MKNK1: variants seen among roughly 807,000 people sequenced by gnomAD.
The protein encoded by MKNK1 is MAP kinase-interacting serine/threonine-protein kinase 1.
In MKNK1, 30 loss-of-function variants were observed where a neutral mutation model predicts 49.3. The observed-to-expected ratio is 0.61, with a 90% CI of 0.46 to 0.83. The LOEUF (loss-of-function observed/expected upper bound fraction) is 0.83. Among genes scored for constraint, MKNK1 ranks in the 40% least tolerant of loss-of-function variants. The pLI is 0.00. For missense variants in MKNK1, 423 were observed against 524.7 expected (o/e 0.81, Z 1.89); for synonymous variants, 176 against 201.7 (o/e 0.87, Z 1.08).
intron 4 of MKNK1, among the ~76,000 whole-genome samples, chr1:46,577,391 T>C (rs1432778064): frequency 2.0e-5 from 3 of 152,062 alleles, no homozygotes; most frequent in Non-Finnish European, 4.4e-5. Context: ...TGAGGCAGGA[T>C]AGTCACTTGA....
At chr1:46,571,295 G>C (rs1315445552) in intron 7 of MKNK1, 1 of 217,198 alleles carries the variant, frequency 4.6e-6, no homozygotes, top group Non-Finnish European at 9.5e-6. Context: ...TGTAATCCCA[G>C]CACTTTGGGA....
intron 1 of MKNK1, among the ~76,000 whole-genome samples, chr1:46,597,373 A>G (rs1240760846): frequency 6.6e-6 from 1 of 152,028 alleles, no homozygotes; most frequent in Non-Finnish European, 1.5e-5. Context: ...AGAAAACATC[A>G]GTGAGGCACA....
At position 46,562,678 on chromosome 1, in the gene MKNK1, C is replaced by T. The variant is rs1209129445; in HGVS notation, c.775G>A (p.Asp259Asn). ...CACACCCTGCAGACCTCGCCCCGGT[C>T]CCAGCCACAGTCGGCCCCGCAGTGA... is the stretch of plus-strand genomic sequence containing the variant. Reference protein sequence around the residue: ...VGHCGADCGWDRGEVCRVCQN... With the variant: ...VGHCGADCGWNRGEVCRVCQN... The change falls in exon 10 of 13, where the codon GAC becomes AAC. Residue 259 changes from aspartate (D) to asparagine (N), a missense_variant. Coordinates refer to ENST00000371945, the MANE Select transcript of MKNK1 (RefSeq NM_001135553.4). 21 of 1,561,294 alleles carry T rather than the reference C, an allele frequency of 1.3e-5. No individual in the cohort carries two copies. The highest frequency in any genetic ancestry group is 1.8e-5 in the Non-Finnish European group (21 of 1,152,116).
chr1:46,594,286 A>G lies in MKNK1; in HGVS notation c.-170-6T>C, dbSNP rs756771416. 8 of 723,120 alleles carry G rather than the reference A, an allele frequency of 1.1e-5. No individual in the cohort carries two copies. Among genetic ancestry groups the G allele is most frequent in the South Asian group, 1.0e-4 (7 of 69,096 alleles). 44.8% of individuals were successfully genotyped at this position (723,120 alleles called of 1,614,324 possible). A position where few individuals can be genotyped will look rare whatever the true frequency, so the allele number is the denominator to read the frequency against. ...TCGGCCTCTGACATGGAAACCTTGA[A>G]AAAGCAGAAATAGAAAGGAAATCAA... On this transcript the variant is annotated splice_region_variant and splice_polypyrimidine_tract_variant and intron_variant, in intron 1 of 12. Coordinates refer to ENST00000371945, the MANE Select transcript of MKNK1 (RefSeq NM_001135553.4).
chr1:46,602,763 T>A (rs1312967086), intron 1 of MKNK1, among the ~76,000 whole-genome samples: 1 of 152,204 alleles, frequency 6.6e-6, no homozygotes, highest in Non-Finnish European at 1.5e-5. Flanking sequence ...ACACCACTGC[T>A]CTATATAGTA....
intron 8 of MKNK1, among the ~76,000 whole-genome samples, chr1:46,566,424 T>A (rs763380448): frequency 3.3e-5 from 5 of 152,270 alleles, no homozygotes; most frequent in Non-Finnish European, 4.4e-5. Flanking sequence ...GAGTTGTCTC[T>A]ACCTTTTTGG....
chr1:46,565,872 A>G (rs967093830), intron 8 of MKNK1, among the ~76,000 whole-genome samples: 2 of 152,202 alleles, frequency 1.3e-5, no homozygotes, highest in South Asian at 4.1e-4. Flanking sequence ...CTTGCCGGGA[A>G]GCCTGGGCAA....
Position 46,576,601 on chromosome 1 carries a change from C to A in MKNK1, c.252G>T (p.Glu84Asp), listed in dbSNP as rs1670998503. 1 of 1,614,020 alleles carries A rather than the reference C, an allele frequency of 6.2e-7. No individual in the cohort carries two copies. Among genetic ancestry groups the A allele is most frequent in the Admixed American group, 1.7e-5 (1 of 60,010 alleles). The change falls in exon 5 of 13, where the codon GAG becomes GAT. Residue 84 changes from glutamate (E) to aspartate (D), a missense_variant. Glu to Asp is a conservative substitution (Grantham distance 45). Transcript: ENST00000371945. ...HSRSRVFREV[E>D]TLYQCQGNKN... ...TGTTTCCCTGACACTGATACAGCGT[C>A]TCCACCTCTCGAAACACCCTACTCC...
At chr1:46,564,300 G>GAACAGCTCTCCATCCCCCATTAC (rs1553195841) in intron 9 of MKNK1, among the ~76,000 whole-genome samples, 2 of 151,654 alleles carry the variant, frequency 1.3e-5, no homozygotes, top group African/African-American at 4.8e-5. Context: ...CAGTCAGGGA[G>GAACAGCTCTCCATCCCCCATTAC]AACAGCTCTC....
In MKNK1 at chr1:46,558,452, G is replaced by A. The variant is rs1313326461; in HGVS notation, c.*123C>T. ...TGGGAACCTCAGGGCCTTCGTAGAT[G>A]AAAAAGCCTGAATGGAGCCACAGAG... is the stretch of plus-strand genomic sequence containing the variant. On this transcript the variant is annotated 3_prime_UTR_variant, in exon 13 of 13. Coordinates refer to ENST00000371945, the MANE Select transcript of MKNK1 (RefSeq NM_001135553.4). The A allele has an allele frequency of 2.9e-6, 3 of 1,030,168 alleles. No homozygotes were observed. The Admixed American group carries it at 9.6e-5, about 33-fold the overall frequency. 63.8% of individuals were successfully genotyped at this position (1,030,168 alleles called of 1,614,324 possible).
In MKNK1 at chr1:46,589,214, G is replaced by C. The variant is rs1673023677; in HGVS notation, c.-3+4899C>G. Among the ~76,000 whole-genome samples the C allele has an allele frequency of 6.6e-6, 1 of 152,264 alleles. No homozygotes were observed. Among genetic ancestry groups the C allele is most frequent in the Non-Finnish European group, 1.5e-5 (1 of 68,048 alleles). On this transcript the variant is annotated intron_variant, in intron 2 of 12. Transcript: ENST00000371945. The surrounding 1 kb of genome is among the most constrained non-coding windows in gnomAD (Gnocchi z 4.3). ...ACATAGTAGGACAAGTGCTGGGACA[G>C]GGAGGTACCAGGTGCTGTGGAGCAG...
At position 46,586,108 on chromosome 1, in the gene MKNK1, C is replaced by G; in HGVS notation, c.-2-2779G>C. 1.1e-5 allele frequency: 4 copies of G among 375,206 alleles called. 1 individual carries two copies. The highest frequency in any genetic ancestry group is 8.0e-5 in the South Asian group (4 of 49,924). 23.2% of individuals were successfully genotyped at this position (375,206 alleles called of 1,614,324 possible). On this transcript the variant is annotated intron_variant, in intron 2 of 12. Transcript: ENST00000371945. The stretch of plus-strand genomic sequence containing the variant: ...TAGTTGCCCATGTGGAGCCTGGCCA[C>G]ACACTATTTTCATCACAGAGTCCAC...
chr1:46,583,819 G>A (rs1672107564), intron 2 of MKNK1, among the ~76,000 whole-genome samples: 1 of 152,152 alleles, frequency 6.6e-6, no homozygotes, highest in Admixed American at 6.5e-5. Flanking sequence ...AAATGGCCTG[G>A]AGTGGAGACA....
chr1:46,591,392 A>G (rs1673312822), intron 2 of MKNK1, among the ~76,000 whole-genome samples: 1 of 152,172 alleles, frequency 6.6e-6, no homozygotes, highest in African/African-American at 2.4e-5. Context: ...TGGGGGCCTG[A>G]GAGTCCTAGA....
chr1:46,568,704 A>T (rs188455308), intron 7 of MKNK1: 4 of 574,238 alleles, frequency 7.0e-6, no homozygotes, highest in Admixed American at 6.0e-5. Context: ...TTTGAAGAGG[A>T]GGCTTTAGAA....
At position 46,562,709 on chromosome 1, in the gene MKNK1, G is replaced by A. The variant is rs547469985; in HGVS notation, c.744C>T (p.Phe248=). The A allele has an allele frequency of 1.0e-5, 16 of 1,584,004 alleles. No individual in the cohort carries two copies. The highest frequency in any genetic ancestry group is 4.6e-5 in the South Asian group (4 of 87,374). The change falls in exon 10 of 13, where the codon TTC becomes TTT. Residue 248 remains phenylalanine (F), a synonymous_variant. Transcript: ENST00000371945. The stretch of plus-strand genomic sequence containing the variant: ...CACAGTCGGCCCCGCAGTGACCCAC[G>A]AAGGGTGGGTAGCCACTCAGCATGA... ...LYIMLSGYPP[F]VGHCGADCGW...
At chr1:46,565,271 C>T (rs570008791) in intron 8 of MKNK1, 135 bp from the exon 9 acceptor site, 25 of 750,854 alleles carry the variant, frequency 3.3e-5, no homozygotes, top group Non-Finnish European at 4.7e-5. Flanking sequence ...GTTTGCTCTC[C>T]GGAGGTTAAC....
Position 46,561,484 on chromosome 1 carries a change from C to T in MKNK1, c.963G>A (p.Val321=). ...CCTCCCTGGAGTCACTCACCCCCTG[C>T]ACCCATGGGTGCTGCAGAACTTGGG... ...SAAQVLQHPW[V]QGQAPEKGLP... The change falls in exon 11 of 13, where the codon GTG becomes GTA. Residue 321 remains valine (V), a synonymous_variant. Coordinates refer to ENST00000371945, the MANE Select transcript of MKNK1 (RefSeq NM_001135553.4). 2 of 1,611,812 alleles carry T rather than the reference C, an allele frequency of 1.2e-6. No homozygotes were observed. The highest frequency in any genetic ancestry group is 2.2e-5 in the South Asian group (2 of 90,872).
intron 6 of MKNK1, chr1:46,574,671 GGATT>G (rs1670693163): frequency 2.7e-6 from 1 of 369,600 alleles, no homozygotes; most frequent in East Asian, 4.6e-5. Context: ...TGTCAAAACG[GGATT>G]GATAAATCGA....
Sources: gnomAD v4.1 joint callset for allele counts (sites outside exome capture counted in the v4.1 genomes callset) on GRCh38, gnomAD v4.1.1 for gene constraint, Gnocchi (gnomAD v3.1) non-coding constraint, MANE v1.5 for transcripts, NCBI Gene and HGNC (gene_info 2026-07-23, HGNC 2026-07-21) for gene names.